SOWAHC: variants seen among roughly 807,000 people sequenced by gnomAD.
The protein encoded by SOWAHC is ankyrin repeat domain-containing protein SOWAHC.
Under a neutral mutation model 14.4 loss-of-function variants are expected in SOWAHC, and 12 were observed. The ratio of observed to expected loss-of-function variants is 0.83; its 90% CI spans 0.53 to 1.35. SOWAHC has a LOEUF of 1.35. Among genes scored for constraint, SOWAHC ranks in the 40% most tolerant of loss-of-function variants. The probability of loss-of-function intolerance (pLI) is 0.00; values close to 1 mark genes in which losing one functional copy is unlikely to be tolerated. For missense variants in SOWAHC, 771 were observed against 752.8 expected (o/e 1.02, Z -0.28); for synonymous variants, 398 against 347.0 (o/e 1.15, Z -1.63).
At position 109,618,761 on chromosome 2, in the gene SOWAHC, G is replaced by C. The variant is rs752951822; in HGVS notation, c.*2694G>C. The C allele has an allele frequency of 1.8e-5, 3 of 167,026 alleles. No homozygotes were observed. The highest frequency in any genetic ancestry group is 4.4e-5 in the Non-Finnish European group (3 of 68,108). 10.3% of individuals were successfully genotyped at this position (167,026 alleles called of 1,614,324 possible). On this transcript the variant is annotated 3_prime_UTR_variant, in exon 1 of 1. Coordinates refer to ENST00000356454, the MANE Select transcript of SOWAHC (RefSeq NM_023016.4). Reference sequence around the variant, plus strand: ...GGTTAAAAAACCCAAGTATGTCCATGTGTTTCTTATAAGGTACACTTGAAA... The same window carrying C: ...GGTTAAAAAACCCAAGTATGTCCATCTGTTTCTTATAAGGTACACTTGAAA...
chr2:109,615,938 C>T lies in SOWAHC; in HGVS notation c.1449C>T (p.His483=), dbSNP rs765038860. The T allele has an allele frequency of 5.0e-6, 8 of 1,602,450 alleles. No homozygotes were observed. The highest frequency in any genetic ancestry group is 2.2e-5 in the East Asian group (1 of 44,836). The change falls in exon 1 of 1, where the codon CAC becomes CAT. Residue 483 remains histidine, a synonymous_variant. Coordinates refer to ENST00000356454, the MANE Select transcript of SOWAHC (RefSeq NM_023016.4). ...TCCGATTCAGAACCCAGATCGTCCA[C>T]ACCACACCCTCTTTCAGGGACCCAG... is the stretch of plus-strand genomic sequence containing the variant. ...NKIRFRTQIV[H]TTPSFRDPEQ...
rs556419687 is a variant in SOWAHC, at chr2:109,614,743, A to G, written c.254A>G (p.Glu85Gly). Reference sequence around the variant, plus strand: ...GTGCACCTCAAGAAGAGGTTCTGTGAAGGGCCGTCCGAGCCCTCCGGGGAC... The same window carrying G: ...GTGCACCTCAAGAAGAGGTTCTGTGGAGGGCCGTCCGAGCCCTCCGGGGAC... ...KYVHLKKRFC[E>G]GPSEPSGDPP... is the part of the protein sequence containing the mutation. The change falls in exon 1 of 1, where the codon GAA becomes GGA. Residue 85 changes from glutamate (E) to glycine (G), a missense_variant. By Grantham distance (98) the Glu-to-Gly change is moderately conservative. Coordinates refer to ENST00000356454, the MANE Select transcript of SOWAHC (RefSeq NM_023016.4). 52 of 1,485,090 alleles carry G rather than the reference A, an allele frequency of 3.5e-5. No homozygotes were observed. In the South Asian group the frequency reaches 6.2e-4, roughly 18 times the overall value. The allele number at this position is 1,485,090 out of a possible 1,614,324, so 92.0% of individuals were successfully genotyped here.
rs1476810466 is a variant in SOWAHC, at chr2:109,618,645, T to C, written c.*2578T>C. The C allele has an allele frequency of 6.0e-6, 1 of 166,942 alleles. No individual in the cohort carries two copies. Among genetic ancestry groups the C allele is most frequent in the East Asian group, 1.9e-4 (1 of 5,192 alleles). The allele number at this position is 166,942 out of a possible 1,614,324, so 10.3% of individuals were successfully genotyped here. ...AGTCAAGATTATAAAAAGCAAATGATTGATATAATTTGATATTCATAGAGT... is the reference window on the plus strand; with the variant it reads ...AGTCAAGATTATAAAAAGCAAATGACTGATATAATTTGATATTCATAGAGT... On this transcript the variant is annotated 3_prime_UTR_variant, in exon 1 of 1. Coordinates refer to ENST00000356454, the MANE Select transcript of SOWAHC (RefSeq NM_023016.4).
chr2:109,615,481 C>G lies in SOWAHC; in HGVS notation c.992C>G (p.Pro331Arg). ...LVNFANKHQL[P>R]VNIDARTSGG... ...AACTTCGCCAACAAACACCAGCTGC[C>G]GGTGAACATCGACGCCAGGACGAGC... The change falls in exon 1 of 1, where the codon CCG becomes CGG. Residue 331 changes from proline (P) to arginine (R), a missense_variant. Coordinates refer to ENST00000356454, the MANE Select transcript of SOWAHC (RefSeq NM_023016.4). The G allele has an allele frequency of 1.2e-6, 2 of 1,613,528 alleles. No homozygotes were observed. The highest frequency in any genetic ancestry group is 1.3e-5 in the African/African-American group (1 of 75,054).
Position 109,615,815 on chromosome 2 carries a change from C to A in SOWAHC, c.1326C>A (p.His442Gln), listed in dbSNP as rs752302736. Reference sequence around the variant, plus strand: ...ATGGAGGGGACCATCACCACCATCACCACTCGGCTGAGGGGTGGGTCGGAG... The same window carrying A: ...ATGGAGGGGACCATCACCACCATCAACACTCGGCTGAGGGGTGGGTCGGAG... ...LEDGGDHHHH[H>Q]HSAEGWVGGK... is the part of the protein sequence containing the mutation. The change falls in exon 1 of 1, where the codon CAC (histidine) becomes CAA (glutamine). Residue 442 changes from histidine (H) to glutamine (Q), a missense_variant. Coordinates refer to ENST00000356454, the MANE Select transcript of SOWAHC (RefSeq NM_023016.4). The A allele has an allele frequency of 9.3e-6, 15 of 1,614,040 alleles. No homozygotes were observed. The highest frequency in any genetic ancestry group is 1.3e-5 in the Non-Finnish European group (15 of 1,180,042).
Position 109,615,343 on chromosome 2 carries a change from G to C in SOWAHC, c.854G>C (p.Gly285Ala). 6.2e-7 allele frequency: 1 copy of C among 1,612,366 alleles called. No homozygotes were observed. The highest frequency in any genetic ancestry group is 8.5e-7 in the Non-Finnish European group (1 of 1,179,814). ...GATGGCAAGTGGGACAGCCTGGAGG[G>C]CTTGCTCACCTGCGAGCCCGGCCTG... is the stretch of plus-strand genomic sequence containing the variant. The part of the protein sequence containing the change: ...ASDGKWDSLE[G>A]LLTCEPGLLV... Residue 285 changes from glycine to alanine, a missense_variant, in exon 1 of 1, where the codon GGC becomes GCC. By Grantham distance (60) the Gly-to-Ala change is moderately conservative. Coordinates refer to ENST00000356454, the MANE Select transcript of SOWAHC (RefSeq NM_023016.4).
chr2:109,614,369 C>A lies in SOWAHC; in HGVS notation c.-121C>A. The A allele has an allele frequency of 1.2e-6, 1 of 820,870 alleles. No individual in the cohort carries two copies. Among genetic ancestry groups the A allele is most frequent in the Non-Finnish European group, 1.6e-6 (1 of 624,318 alleles). 50.8% of individuals were successfully genotyped at this position (820,870 alleles called of 1,614,324 possible). A position where few individuals can be genotyped will look rare whatever the true frequency, so the allele number is the denominator to read the frequency against. ...TGGCCGAGTCCTCTGGCCTCAGACG[C>A]GTAGGCTGGCAGCCCGCTGAGCCCG... is the stretch of plus-strand genomic sequence containing the variant. On this transcript the variant is annotated 5_prime_UTR_variant, in exon 1 of 1. Coordinates refer to ENST00000356454, the MANE Select transcript of SOWAHC (RefSeq NM_023016.4).
At position 109,614,789 on chromosome 2, in the gene SOWAHC, C is replaced by G; in HGVS notation, c.300C>G (p.Thr100=). 1 of 1,474,232 alleles carries G rather than the reference C, an allele frequency of 6.8e-7. No homozygotes were observed. The allele number at this position is 1,474,232 out of a possible 1,614,324, so 91.3% of individuals were successfully genotyped here. Residue 100 remains threonine, a synonymous_variant, in exon 1 of 1, where the codon ACC becomes ACG. Coordinates refer to ENST00000356454, the MANE Select transcript of SOWAHC (RefSeq NM_023016.4). ...PSGDPPRIQV[T]AEPEAPDGPA... is the part of the protein sequence containing the mutation. ...GGGACCCGCCGCGAATCCAGGTGAC[C>G]GCCGAGCCCGAGGCCCCCGACGGCC...
chr2:109,614,988 A>G lies in SOWAHC; in HGVS notation c.499A>G (p.Thr167Ala). ...SRRDVQPLPR[T>A]PAPGPSEDLE... ...GCGCGACGTGCAGCCCCTACCGCGG[A>G]CTCCAGCCCCGGGGCCCAGCGAGGA... The change falls in exon 1 of 1, where the codon ACT becomes GCT. Residue 167 changes from threonine to alanine, a missense_variant. Thr to Ala is a moderately conservative substitution (Grantham distance 58, BLOSUM62 0). Coordinates refer to ENST00000356454, the MANE Select transcript of SOWAHC (RefSeq NM_023016.4). 1 of 1,540,780 alleles carries G rather than the reference A, an allele frequency of 6.5e-7. No individual in the cohort carries two copies. The highest frequency in any genetic ancestry group is 2.5e-5 in the East Asian group (1 of 40,780).
Position 109,615,063 on chromosome 2 carries a change from C to G in SOWAHC, c.574C>G (p.Leu192Val). The G allele has an allele frequency of 6.5e-7, 1 of 1,549,346 alleles. No homozygotes were observed. The highest frequency in any genetic ancestry group is 1.7e-4 in the Middle Eastern group (1 of 5,750). Residue 192 changes from leucine to valine, a missense_variant, in exon 1 of 1, where the codon CTT becomes GTT. Physicochemically the swap from Leu to Val is conservative, Grantham distance 32. Transcript: ENST00000356454. Reference protein sequence around the residue: ...GCEEADRGSSLVGATAQRPAR... With the variant: ...GCEEADRGSSVVGATAQRPAR... The stretch of plus-strand genomic sequence containing the variant: ...CGAGGAGGCGGACAGGGGCAGCTCC[C>G]TTGTGGGGGCTACCGCACAGAGGCC...
chr2:109,615,785 A>G lies in SOWAHC; in HGVS notation c.1296A>G (p.Leu432=). The change falls in exon 1 of 1, where the codon CTA becomes CTG. Residue 432 remains leucine (L), a synonymous_variant. Transcript: ENST00000356454. ...TCACCTACAAACTCTCACACGCCCT[A>G]GAAGATGGAGGGGACCATCACCACC... is the stretch of plus-strand genomic sequence containing the variant. ...HLITYKLSHA[L]EDGGDHHHHH... 2 of 1,614,146 alleles carry G rather than the reference A, an allele frequency of 1.2e-6. No individual in the cohort carries two copies. The highest frequency in any genetic ancestry group is 1.1e-5 in the South Asian group (1 of 91,082).
Position 109,614,663 on chromosome 2 carries a change from G to C in SOWAHC, c.174G>C (p.Glu58Asp), listed in dbSNP as rs151283137. 9 of 1,480,370 alleles carry C rather than the reference G, an allele frequency of 6.1e-6. No individual in the cohort carries two copies. The African/African-American group carries it at 1.3e-4, about 22-fold the overall frequency. 91.7% of individuals were successfully genotyped at this position (1,480,370 alleles called of 1,614,324 possible). ...QRARARAHFK[E>D]LVNAVATVRV... ...CCCGCGCCCGCGCGCACTTCAAGGA[G>C]CTGGTGAACGCCGTGGCCACTGTGC... is the stretch of plus-strand genomic sequence containing the variant. The change falls in exon 1 of 1, where the codon GAG becomes GAC. Residue 58 changes from glutamate to aspartate, a missense_variant. By Grantham distance (45) the Glu-to-Asp change is conservative (BLOSUM62 2). Transcript: ENST00000356454.
chr2:109,616,232 G>C lies in SOWAHC; in HGVS notation c.*165G>C. 8.8e-7 allele frequency: 1 copy of C among 1,133,212 alleles called. No individual in the cohort carries two copies. The highest frequency in any genetic ancestry group is 1.2e-6 in the Non-Finnish European group (1 of 867,866). The allele number at this position is 1,133,212 out of a possible 1,614,324, so 70.2% of individuals were successfully genotyped here. ...TCTTCAGGCTAGCCTTCTGGGAAAAGTGGATGTCTTTTTCAGAGATTCATC... is the reference window on the plus strand; with the variant it reads ...TCTTCAGGCTAGCCTTCTGGGAAAACTGGATGTCTTTTTCAGAGATTCATC... On this transcript the variant is annotated 3_prime_UTR_variant, in exon 1 of 1. Transcript: ENST00000356454.
At position 109,615,298 on chromosome 2, in the gene SOWAHC, C is replaced by T. The variant is rs748037112; in HGVS notation, c.809C>T (p.Ala270Val). 15 of 1,601,450 alleles carry T rather than the reference C, an allele frequency of 9.4e-6. No homozygotes were observed. The highest frequency in any genetic ancestry group is 2.7e-5 in the African/African-American group (2 of 74,664). The stretch of plus-strand genomic sequence containing the variant: ...GTGACGCTGGACCCCCTGGAGCACG[C>T]GTGGATGCTCTCTGCCTCCGATGGC... ...GSVTLDPLEH[A>V]WMLSASDGKW... The change falls in exon 1 of 1, where the codon GCG becomes GTG. Residue 270 changes from alanine (A) to valine (V), a missense_variant. Transcript: ENST00000356454.
In SOWAHC at chr2:109,615,231, G is replaced by A; in HGVS notation, c.742G>A (p.Ala248Thr). Reference protein sequence around the residue: ...GGGDSDSASVASSSAEEESSG... With the variant: ...GGGDSDSASVTSSSAEEESSG... ...GGGCGACTCAGACAGCGCATCGGTG[G>A]CCTCGTCGTCCGCGGAGGAGGAGAG... is the stretch of plus-strand genomic sequence containing the variant. The change falls in exon 1 of 1, where the codon GCC (alanine) becomes ACC (threonine). Residue 248 changes from alanine to threonine, a missense_variant. Transcript: ENST00000356454. 2 of 1,546,306 alleles carry A rather than the reference G, an allele frequency of 1.3e-6. No individual in the cohort carries two copies. The highest frequency in any genetic ancestry group is 1.7e-6 in the Non-Finnish European group (2 of 1,146,222).
Position 109,615,387 on chromosome 2 carries a change from A to G in SOWAHC, c.898A>G (p.Ile300Val). 6.2e-7 allele frequency: 1 copy of G among 1,613,042 alleles called. No individual in the cohort carries two copies. The highest frequency in any genetic ancestry group is 8.5e-7 in the Non-Finnish European group (1 of 1,180,032). The change falls in exon 1 of 1, where the codon ATT (isoleucine) becomes GTT (valine). Residue 300 changes from isoleucine to valine, a missense_variant. Transcript: ENST00000356454. ...CGGCCTGCTGGTCAAGCGGGACTTC[A>G]TTACCGGCTTCACTTGCCTGCACTG... ...EPGLLVKRDF[I>V]TGFTCLHWAA...
At position 109,618,554 on chromosome 2, in the gene SOWAHC, TG is replaced by T. The variant is rs1248379473; in HGVS notation, c.*2488del. On this transcript the variant is annotated 3_prime_UTR_variant, in exon 1 of 1. Coordinates refer to ENST00000356454, the MANE Select transcript of SOWAHC (RefSeq NM_023016.4). ...ACTTCTAGCATTCCTTTTCATGATG[TG>T]CTTTTGTGCAGTAAGTAGCATTTTC... 7.8e-5 allele frequency: 13 copies of T among 167,070 alleles called. No individual in the cohort carries two copies. Among genetic ancestry groups the T allele is most frequent in the African/African-American group, 1.4e-4 (6 of 41,470 alleles). 10.3% of individuals were successfully genotyped at this position (167,070 alleles called of 1,614,324 possible).
Position 109,615,256 on chromosome 2 carries a change from G to C in SOWAHC, c.767G>C (p.Ser256Thr). 1 of 1,560,006 alleles carries C rather than the reference G, an allele frequency of 6.4e-7. No individual in the cohort carries two copies. The highest frequency in any genetic ancestry group is 2.4e-5 in the East Asian group (1 of 41,510). ...GCCTCGTCGTCCGCGGAGGAGGAGA[G>C]CAGCGGCGGAGGCTCCGTGACGCTG... ...SVASSSAEEE[S>T]SGGGSVTLDP... Residue 256 changes from serine (S) to threonine (T), a missense_variant, in exon 1 of 1, where the codon AGC (serine) becomes ACC (threonine). Coordinates refer to ENST00000356454, the MANE Select transcript of SOWAHC (RefSeq NM_023016.4).
rs1487356217 is a variant in SOWAHC, at chr2:109,616,376, CCTTTG to C, written c.*314_*318del. 1 of 220,916 alleles carries C rather than the reference CCTTTG, an allele frequency of 4.5e-6. No homozygotes were observed. Among genetic ancestry groups the C allele is most frequent in the Non-Finnish European group, 9.5e-6 (1 of 105,372 alleles). 13.7% of individuals were successfully genotyped at this position (220,916 alleles called of 1,614,324 possible). On this transcript the variant is annotated 3_prime_UTR_variant, in exon 1 of 1. Coordinates refer to ENST00000356454, the MANE Select transcript of SOWAHC (RefSeq NM_023016.4). Reference sequence around the variant, plus strand: ...ATGAATGAATTAATGAATGAGAGTTCCTTTGCTTTAACCATTCCTGGATGCCTGCA... The same window carrying C: ...ATGAATGAATTAATGAATGAGAGTTCCTTTAACCATTCCTGGATGCCTGCA...
Sources: allele counts gnomAD v4.1 joint callset, GRCh38; gene constraint gnomAD v4.1.1; transcripts MANE v1.5; gene names NCBI Gene and HGNC (gene_info 2026-07-23, HGNC 2026-07-21).